The following UBE2S variants were observed in gnomAD, a reference collection of about 807,000 sequenced individuals.
UBE2S encodes the protein ubiquitin-conjugating enzyme E2 S.
A neutral mutation model predicts 12.3 loss-of-function variants in UBE2S; 3 were observed. The ratio of observed to expected loss-of-function variants is 0.24; its 90% confidence interval spans 0.11 to 0.63. The LOEUF is 0.63. Ranked by LOEUF, UBE2S falls within the 30% of genes least tolerant of loss-of-function variation. The pLI is 0.85. For missense variants in UBE2S, 211 were observed against 313.9 expected (o/e 0.67, Z 2.48); for synonymous variants, 133 against 142.0 (o/e 0.94, Z 0.45).
rs1312285851 is a variant in UBE2S at position 55,400,052 on chromosome 19, A to C, written c.*1384T>G. ...TGTCACTGGAGGCAAGGGCTCAAGG[A>C]AGGGTCAGACCCCTTTCAGAGGCTG... On this transcript the variant is annotated 3_prime_UTR_variant, in exon 4 of 4. Coordinates refer to ENST00000264552, the MANE Select transcript of UBE2S (RefSeq NM_014501.3). The C allele has an allele frequency of 1.3e-5, 2 of 152,170 alleles. No individual in the cohort carries two copies. The highest frequency in any genetic ancestry group is 2.9e-5 in the Non-Finnish European group (2 of 68,038). 9.4% of individuals were successfully genotyped at this position (152,170 alleles called of 1,614,324 possible).
chr19:55,405,029 G>A (rs1055571011), intron 2 of UBE2S, among the ~76,000 whole-genome samples: 2 of 151,546 alleles, frequency 1.3e-5, no homozygotes, highest in African/African-American at 4.8e-5. Flanking sequence ...AGACCAACAT[G>A]GAGAAACCCC....
chr19:55,403,064 C>A lies in UBE2S; in HGVS notation c.342+1224G>T, dbSNP rs538904218. 7 of 1,354,478 alleles carry A rather than the reference C, an allele frequency of 5.2e-6. No homozygotes were observed. The South Asian group carries it at 7.4e-5, about 14-fold the overall frequency. 83.9% of individuals were successfully genotyped at this position (1,354,478 alleles called of 1,614,324 possible). On this transcript the variant is annotated intron_variant, in intron 3 of 3. Coordinates refer to ENST00000264552, the MANE Select transcript of UBE2S (RefSeq NM_014501.3). ...TTCTGTGTCATGGAGCCATCTCGTA[C>A]GCTGCAGGATTTGGGCAGCACCCTT...
intron 2 of UBE2S, among the ~76,000 whole-genome samples, 162 bp downstream of exon 2, chr19:55,406,653 G>C (rs994557825): frequency 6.6e-6 from 1 of 152,224 alleles, no homozygotes; most frequent in African/African-American, 2.4e-5. Flanking sequence ...TGTGGGAAAA[G>C]AGTACATAAT....
rs191434162 is a variant in UBE2S, at chr19:55,407,198, C to G, written c.4-236G>C. 4.7e-5 allele frequency among the ~76,000 whole-genome samples: 7 copies of G among 149,840 alleles called. No individual in the cohort carries two copies. The East Asian group carries it at 5.9e-4, about 13-fold the overall frequency. On this transcript the variant is annotated intron_variant, in intron 1 of 3. Coordinates refer to ENST00000264552, the MANE Select transcript of UBE2S (RefSeq NM_014501.3). ...AGATAACTCCACCCACCCCAGAACC[C>G]CCCCCCCAAAGCCCGCTCCTAACCC...
At chr19:55,407,489 A>G (rs1237045677) in intron 1 of UBE2S, 98 bp downstream of exon 1, 4 of 1,373,510 alleles carry the variant, frequency 2.9e-6, no homozygotes, top group Non-Finnish European at 3.9e-6. Flanking sequence ...GCTGGCCCTC[A>G]AACCCCTCAA....
intron 3 of UBE2S, among the ~76,000 whole-genome samples, chr19:55,403,451 T>C (rs1490665927): frequency 2.0e-5 from 3 of 151,340 alleles, no homozygotes; most frequent in Non-Finnish European, 2.9e-5. Context: ...ACTGCGCCAC[T>C]GCACTCCAGC....
rs768602325 is a variant in UBE2S at position 55,401,776 on chromosome 19, C to T, written c.343-14G>A. The T allele has an allele frequency of 8.2e-5, 132 of 1,612,826 alleles. No homozygotes were observed. The highest frequency in any genetic ancestry group is 1.0e-4 in the Admixed American group (6 of 60,008). ...GCACTTGATGGTCTGTGGGAAGAGG[C>T]TCAGGGTCACAGTGGGTCGGGCAAC... On this transcript the variant is annotated splice_polypyrimidine_tract_variant and intron_variant, in intron 3 of 3. Coordinates refer to ENST00000264552, the MANE Select transcript of UBE2S (RefSeq NM_014501.3).
At chr19:55,407,204 C>G (rs114616616) in intron 1 of UBE2S, among the ~76,000 whole-genome samples, 4,062 of 148,042 alleles carry the variant, frequency 0.027, 187 homozygotes, top group African/African-American at 0.09. Flanking sequence ...AACCCCCCCC[C>G]CAAAGCCCGC....
chr19:55,406,752 A>C, intron 2 of UBE2S, 63 bp downstream of exon 2: 1 of 1,559,568 alleles, frequency 6.4e-7, no homozygotes, highest in South Asian at 1.2e-5. Context: ...CGCTAGGGTG[A>C]TCTAGAGCAG....
intron 1 of UBE2S, among the ~76,000 whole-genome samples, chr19:55,407,284 AT>A (rs2090102997): frequency 6.7e-6 from 1 of 148,808 alleles, no homozygotes; most frequent in Non-Finnish European, 1.5e-5. Flanking sequence ...TTCTCCACTA[AT>A]TTTTGGTTAG....
chr19:55,403,367 T>C, intron 3 of UBE2S: 1 of 423,012 alleles, frequency 2.4e-6, no homozygotes, highest in Non-Finnish European at 4.2e-6. Context: ...TGCATGCGTG[T>C]AATACCAGCC....
intron 2 of UBE2S, 105 bp downstream of exon 2, chr19:55,406,710 T>A: frequency 6.9e-7 from 1 of 1,446,000 alleles, no homozygotes; most frequent in Non-Finnish European, 9.3e-7. Flanking sequence ...TCCCAACACC[T>A]GACACGAGGC....
Position 55,400,329 on chromosome 19 carries a change from T to C in UBE2S, c.*1107A>G, listed in dbSNP as rs1195530247. ...ATTGCGCCTGGCCTATTTTTAATTT[T>C]TTTAAAATTAATGAGACATTGGTCT... is the stretch of plus-strand genomic sequence containing the variant. On this transcript the variant is annotated 3_prime_UTR_variant, in exon 4 of 4. Coordinates refer to ENST00000264552, the MANE Select transcript of UBE2S (RefSeq NM_014501.3). 1 of 152,204 alleles carries C rather than the reference T, an allele frequency of 6.6e-6. No individual in the cohort carries two copies. The highest frequency in any genetic ancestry group is 1.9e-4 in the East Asian group (1 of 5,204). The allele number at this position is 152,204 out of a possible 1,614,324, so 9.4% of individuals were successfully genotyped here.
chr19:55,402,175 G>C (rs1416690201), intron 3 of UBE2S, among the ~76,000 whole-genome samples: 1 of 152,218 alleles, frequency 6.6e-6, no homozygotes, highest in African/African-American at 2.4e-5. Flanking sequence ...CAACGAGTGA[G>C]GCCTGCAGCC....
At chr19:55,403,105 G>C (rs1439579110) in intron 3 of UBE2S, 4 of 931,074 alleles carry the variant, frequency 4.3e-6, no homozygotes, top group Non-Finnish European at 6.7e-6. Flanking sequence ...CCACCCACTA[G>C]ATGCTAGTGG....
chr19:55,407,455 CCATCCCGGG>C, intron 1 of UBE2S, 123 bp downstream of exon 1: 1 of 1,028,280 alleles, frequency 9.7e-7, no homozygotes, highest in East Asian at 3.2e-5. Flanking sequence ...GCCCTCGGGC[CCATCCCGGG>C]TCAGGGACCC....
rs762705507 is a variant in UBE2S, at chr19:55,404,510, C to A, written c.152-32G>T. On this transcript the variant is annotated intron_variant, in intron 2 of 3. Coordinates refer to ENST00000264552, the MANE Select transcript of UBE2S (RefSeq NM_014501.3). This position sits in a 1 kb window ranked among gnomAD's most constrained non-coding sequence, Gnocchi z 4.4. ...TGGAGGGAGGGGTACAGGGTCAGGG[C>A]ACTCAGGAGTCCCAAGGCACCTCAA... is the stretch of plus-strand genomic sequence containing the variant. The A allele has an allele frequency of 2.6e-6, 4 of 1,558,078 alleles. No homozygotes were observed. The highest frequency in any genetic ancestry group is 3.5e-6 in the Non-Finnish European group (4 of 1,150,056).
rs533248347 is a variant in UBE2S, at chr19:55,405,393, C to A, written c.152-915G>T. Among the ~76,000 whole-genome samples, 448 of 152,162 alleles carry A rather than the reference C, an allele frequency of 2.9e-3. 2 individuals carry two copies. The highest frequency in any genetic ancestry group is 0.01 in the African/African-American group (429 of 41,500). ...GCATGGTGGTGCACGTCTGTAATCC[C>A]AGCTACTTGGGAGGCTGAGGCAGGA... On this transcript the variant is annotated intron_variant, in intron 2 of 3. Transcript: ENST00000264552.
intron 1 of UBE2S, among the ~76,000 whole-genome samples, chr19:55,407,183 A>ACCCCACCCCCAAACCCCCCCCC (rs1214895392): frequency 1.1e-5 from 1 of 92,788 alleles, no homozygotes; most frequent in Non-Finnish European, 2.3e-5. Context: ...AGATAACTCC[A>ACCCCACCCCCAAACCCCCCCCC]CCCACCCCAG....
Sources: gnomAD v4.1 joint callset for allele counts (sites outside exome capture counted in the v4.1 genomes callset) on GRCh38, gnomAD v4.1.1 for gene constraint, Gnocchi (gnomAD v3.1) non-coding constraint, MANE v1.5 for transcripts, NCBI Gene and HGNC (gene_info 2026-07-23, HGNC 2026-07-21) for gene names.